The following TRPA1 variants were observed in gnomAD, a reference collection of about 807,000 sequenced individuals.
The protein encoded by TRPA1 is ankyrin-like with transmembrane domains 1.
Under a neutral mutation model 131.3 loss-of-function variants are expected in TRPA1, and 129 were observed. The ratio of observed to expected loss-of-function variants is 0.98; its 90% confidence interval spans 0.85 to 1.14. The LOEUF (loss-of-function observed/expected upper bound fraction) is 1.14. Among genes scored for constraint, TRPA1 ranks in the 50% most tolerant of loss-of-function variants. The probability of loss-of-function intolerance (pLI) is 0.00; values close to 1 mark genes in which losing one functional copy is unlikely to be tolerated. For synonymous variants in TRPA1, 441 were observed against 451.7 expected (o/e 0.98, Z 0.30); for missense variants, 1,304 against 1,354.2 (o/e 0.96, Z 0.58).
In TRPA1 at chr8:72,022,828, C is replaced by G. The variant is rs998876577; in HGVS notation, c.*78G>C. The stretch of plus-strand genomic sequence containing the variant: ...GCAAAATGAATCATTCTGCTTCTTC[C>G]TCACTCTTTTTAAATTGAAAGTTAG... On this transcript the variant is annotated 3_prime_UTR_variant, in exon 27 of 27. Coordinates refer to ENST00000262209, the MANE Select transcript of TRPA1 (RefSeq NM_007332.3). The G allele has an allele frequency of 1.5e-5, 20 of 1,331,354 alleles. No individual in the cohort carries two copies. Among genetic ancestry groups the G allele is most frequent in the Non-Finnish European group, 2.1e-5 (20 of 931,190 alleles). 82.5% of individuals were successfully genotyped at this position (1,331,354 alleles called of 1,614,324 possible). A position where few individuals can be genotyped will look rare whatever the true frequency, so the allele number is the denominator to read the frequency against.
chr8:72,078,249 T>C (rs1026649056), upstream of TRPA1, among the ~76,000 whole-genome samples: 16 of 152,272 alleles, frequency 1.1e-4, no homozygotes, highest in African/African-American at 3.6e-4. Flanking sequence ...TAGCATCTTT[T>C]ATGAAACAAA....
intron 15 of TRPA1, among the ~76,000 whole-genome samples, chr8:72,050,097 C>T (rs1805460733): frequency 6.6e-6 from 1 of 152,112 alleles, no homozygotes; most frequent in African/African-American, 2.4e-5. Context: ...TCCCCTCTCC[C>T]CCCACCCCAC....
intron 17 of TRPA1, 80 bp downstream of exon 17, chr8:72,046,433 G>T: frequency 1.2e-6 from 1 of 807,126 alleles, no homozygotes; most frequent in Non-Finnish European, 2.0e-6. Flanking sequence ...ATGTGCACAT[G>T]TACCCTAAAA....
intron 9 of TRPA1, among the ~76,000 whole-genome samples, 181 bp from the exon 10 acceptor site, chr8:72,057,198 T>A (rs764262929): frequency 3.3e-5 from 5 of 151,918 alleles, no homozygotes; most frequent in Non-Finnish European, 5.9e-5. Flanking sequence ...TTACTCTCTG[T>A]GTGTGTGTGT....
At chr8:72,066,487 T>G (rs1350722313) in intron 3 of TRPA1, among the ~76,000 whole-genome samples, 1 of 152,234 alleles carries the variant, frequency 6.6e-6, no homozygotes. Context: ...GAAAAAAGTA[T>G]GCAACCTCCT....
At chr8:72,053,725 G>A in intron 13 of TRPA1, 28 bp downstream of exon 13, 2 of 1,528,802 alleles carry the variant, frequency 1.3e-6, no homozygotes, top group Non-Finnish European at 1.8e-6. Flanking sequence ...TTGAGATTTT[G>A]GGTAAGCATG....
At chr8:72,087,732 A>G in the TRPA1 span, among the ~76,000 whole-genome samples, 1 of 151,782 alleles carries the variant, frequency 6.6e-6, no homozygotes, top group Non-Finnish European at 1.5e-5. Context: ...TTTAAATTTT[A>G]TTTTATTCTA....
At chr8:72,029,702 G>A (rs3735939) in intron 24 of TRPA1, 199 bp downstream of exon 24, 141 of 664,002 alleles carry the variant, frequency 2.1e-4, no homozygotes, top group East Asian at 1.2e-3. Flanking sequence ...CTGGGATGCC[G>A]GGCAGTGGCA....
chr8:72,073,999 A>G (rs1012022475), intron 1 of TRPA1, among the ~76,000 whole-genome samples: 1 of 152,244 alleles, frequency 6.6e-6, no homozygotes, highest in Non-Finnish European at 1.5e-5. Flanking sequence ...CACACACACA[A>G]TTGGCAATAG....
At chr8:72,075,684 C>T (rs964445249), upstream of TRPA1, 6 of 492,304 alleles carry the variant, frequency 1.2e-5, no homozygotes, top group South Asian at 2.0e-5. Flanking sequence ...AGGGCGGCGG[C>T]GCCGCGTCTG....
intron 9 of TRPA1, among the ~76,000 whole-genome samples, 179 bp downstream of exon 9, chr8:72,057,538 A>G (rs752032547): frequency 6.6e-6 from 1 of 152,246 alleles, no homozygotes; most frequent in Admixed American, 6.5e-5. Flanking sequence ...CTTACTGGAC[A>G]GAAAATTATT....
At chr8:72,054,800 G>C (rs956456614) in intron 12 of TRPA1, 1 of 152,438 alleles carries the variant, frequency 6.6e-6, no homozygotes, top group Non-Finnish European at 1.5e-5. Context: ...GCTATGGTAA[G>C]ATATCAAATG....
intron 5 of TRPA1, 100 bp downstream of exon 5, chr8:72,063,363 G>A: frequency 2.5e-6 from 2 of 810,710 alleles, no homozygotes; most frequent in South Asian, 1.5e-5. Context: ...CTGGGTGACA[G>A]AGTGAGACTC....
chr8:72,076,084 T>A (rs1806179042), upstream of TRPA1, among the ~76,000 whole-genome samples: 1 of 152,176 alleles, frequency 6.6e-6, no homozygotes, highest in Non-Finnish European at 1.5e-5. Flanking sequence ...TAACAAAACT[T>A]CTCATTCCAA....
At chr8:72,029,859 C>T (rs751728778) in intron 24 of TRPA1, 42 bp downstream of exon 24, 1 of 1,586,436 alleles carries the variant, frequency 6.3e-7, no homozygotes, top group Non-Finnish European at 8.7e-7. Flanking sequence ...GTGGGTTTAC[C>T]AGAAGATAAC....
At chr8:72,029,840 T>A in intron 24 of TRPA1, 61 bp downstream of exon 24, 1 of 1,519,382 alleles carries the variant, frequency 6.6e-7, no homozygotes, top group Non-Finnish European at 9.1e-7. Context: ...GTAATATTTT[T>A]AACTTATTGT....
At chr8:72,064,871 T>G (rs1318947530) in intron 4 of TRPA1, among the ~76,000 whole-genome samples, 1 of 151,374 alleles carries the variant, frequency 6.6e-6, no homozygotes, top group Admixed American at 6.6e-5. Context: ...TCTCCATCGC[T>G]TCACTGGACC....
In TRPA1 at chr8:72,038,054, T is replaced by C. The variant is rs750572789; in HGVS notation, c.2314A>G (p.Thr772Ala). 27 of 1,563,274 alleles carry C rather than the reference T, an allele frequency of 1.7e-5. No individual in the cohort carries two copies. In the Middle Eastern group the frequency reaches 6.7e-4, roughly 39 times the overall value. ...LDTTNSYLIK[T>A]CMILVFLSSI... The stretch of plus-strand genomic sequence containing the variant: ...GATAAAAACACTAAAATCATACAAG[T>C]TTTTATTAGATATGAATTCTAAAAC... Residue 772 changes from threonine (T) to alanine (A), a missense_variant, in exon 20 of 27, where the codon ACT becomes GCT. By Grantham distance (58) the Thr-to-Ala change is moderately conservative. Transcript: ENST00000262209.
the TRPA1 span, among the ~76,000 whole-genome samples, chr8:72,086,712 T>C: frequency 6.6e-6 from 1 of 152,204 alleles, no homozygotes; most frequent in Non-Finnish European, 1.5e-5. Flanking sequence ...TTCTGAAATA[T>C]CACCACTATG....
Sources: allele counts gnomAD v4.1 joint callset (sites outside exome capture counted in the v4.1 genomes callset), GRCh38; gene constraint gnomAD v4.1.1; transcripts MANE v1.5; gene names NCBI Gene and HGNC (gene_info 2026-07-23, HGNC 2026-07-21).